METTL14: variants seen among roughly 807,000 people sequenced by gnomAD.
METTL14 encodes the protein N(6)-adenosine-methyltransferase non-catalytic subunit METTL14.
In METTL14, 32 loss-of-function variants were observed where a neutral mutation model predicts 62.4. That is an observed-to-expected ratio of 0.51 (90% CI 0.39 to 0.69). The LOEUF is 0.69. Among genes scored for constraint, METTL14 ranks in the 30% least tolerant of loss-of-function variants. The pLI is 0.00. For missense variants in METTL14, 340 were observed against 551.9 expected, an observed-to-expected ratio of 0.62 and a Z score of 3.85; for synonymous variants, 150 against 180.0, an observed-to-expected ratio of 0.83 and a Z score of 1.34.
chr4:118,705,906 T>C (rs1044182081), intron 10 of METTL14, 85 bp downstream of exon 10: 22 of 1,054,210 alleles, frequency 2.1e-5, no homozygotes, highest in Non-Finnish European at 3.0e-5. Flanking sequence ...TAAAATAAAG[T>C]TCTTATGCAT....
At position 118,714,291 on chromosome 4, in the gene METTL14, A is replaced by G. The variant is rs954359868; in HGVS notation, c.*3989A>G. 1 of 152,206 alleles carries G rather than the reference A, an allele frequency of 6.6e-6. No homozygotes were observed. The highest frequency in any genetic ancestry group is 1.5e-5 in the Non-Finnish European group (1 of 68,048). The allele number at this position is 152,206 out of a possible 1,614,324, so 9.4% of individuals were successfully genotyped here. A position where few individuals can be genotyped will look rare whatever the true frequency, so the allele number is the denominator to read the frequency against. Reference sequence around the variant, plus strand: ...AGTTCTCTCAACTCCTTTCTAAGAAAAGCAGAGCAGAGCAGCATAGAGTGC... The same window carrying G: ...AGTTCTCTCAACTCCTTTCTAAGAAGAGCAGAGCAGAGCAGCATAGAGTGC... On this transcript the variant is annotated 3_prime_UTR_variant, in exon 11 of 11. Coordinates refer to ENST00000388822, the MANE Select transcript of METTL14 (RefSeq NM_020961.4).
intron 5 of METTL14, 42 bp downstream of exon 5, chr4:118,692,110 A>G (rs978462446): frequency 2.7e-6 from 3 of 1,098,936 alleles, no homozygotes; most frequent in African/African-American, 3.2e-5. Flanking sequence ...CTGACTCTCA[A>G]TTACATGCAT....
In METTL14 at chr4:118,709,915, A is replaced by G. The variant is rs543620191; in HGVS notation, c.1067-83A>G. 3 of 1,301,424 alleles carry G rather than the reference A, an allele frequency of 2.3e-6. No individual in the cohort carries two copies. The South Asian group carries it at 4.3e-5, about 19-fold the overall frequency. 80.6% of individuals were successfully genotyped at this position (1,301,424 alleles called of 1,614,324 possible). ...ATGATGGGGACATCTTTAAGAATGC[A>G]TTGGGGATTTGAACTAGCTTCTAAA... On this transcript the variant is annotated intron_variant, in intron 10 of 10. Transcript: ENST00000388822.
intron 7 of METTL14, 84 bp downstream of exon 7, chr4:118,697,407 A>T: frequency 3.4e-6 from 4 of 1,189,262 alleles, no homozygotes; most frequent in Non-Finnish European, 4.6e-6. Flanking sequence ...GATAATAAAT[A>T]TCATCCCTAC....
intron 7 of METTL14, among the ~76,000 whole-genome samples, chr4:118,698,411 C>T (rs546973439): frequency 1.4e-5 from 2 of 147,446 alleles, no homozygotes; most frequent in South Asian, 4.3e-4. Flanking sequence ...CAAGATTGCG[C>T]CATTGCACTC....
intron 9 of METTL14, among the ~76,000 whole-genome samples, chr4:118,705,305 T>C (rs994303139): frequency 2.0e-5 from 3 of 152,054 alleles, no homozygotes; most frequent in Non-Finnish European, 2.9e-5. Flanking sequence ...CGAGACCCTG[T>C]CTTTACAAAA....
intron 8 of METTL14, 36 bp downstream of exon 8, chr4:118,700,678 T>C (rs778400494): frequency 6.9e-7 from 1 of 1,453,358 alleles, no homozygotes; most frequent in Non-Finnish European, 9.5e-7. Context: ...ATTTTTAAAT[T>C]AATAAGAAAA....
At chr4:118,706,910 C>T (rs191453493) in intron 10 of METTL14, among the ~76,000 whole-genome samples, 40 of 152,146 alleles carry the variant, frequency 2.6e-4, no homozygotes, top group Admixed American at 5.9e-4. Context: ...GTCTTTGGCC[C>T]ATTTTTTATT....
chr4:118,699,887 C>CAA (rs1162832747), intron 7 of METTL14, among the ~76,000 whole-genome samples: 1 of 152,044 alleles, frequency 6.6e-6, no homozygotes, highest in Non-Finnish European at 1.5e-5. Flanking sequence ...ATGTAATAAA[C>CAA]AAAATGTAAA....
chr4:118,711,465 T>A lies in METTL14; in HGVS notation c.*1163T>A, dbSNP rs1724920028. ...AACTTTTGAGATTTGAGAGTCTGTT[T>A]TCTATAAGTAGAATTACTGTTGTTA... is the stretch of plus-strand genomic sequence containing the variant. On this transcript the variant is annotated 3_prime_UTR_variant, in exon 11 of 11. Coordinates refer to ENST00000388822, the MANE Select transcript of METTL14 (RefSeq NM_020961.4). 2.0e-5 allele frequency: 3 copies of A among 152,346 alleles called. No homozygotes were observed. The South Asian group carries it at 6.2e-4, about 32-fold the overall frequency. The allele number at this position is 152,346 out of a possible 1,614,324, so 9.4% of individuals were successfully genotyped here.
chr4:118,706,907 G>A (rs1396159979), intron 10 of METTL14, among the ~76,000 whole-genome samples: 5 of 151,876 alleles, frequency 3.3e-5, no homozygotes, highest in African/African-American at 9.7e-5. Context: ...AAGGTCTTTG[G>A]CCCATTTTTT....
At chr4:118,701,173 G>GTTTTTTTTTTTTTTTTTTTTTTTT (rs370557403) in intron 8 of METTL14, among the ~76,000 whole-genome samples, 1 of 114,110 alleles carries the variant, frequency 8.8e-6, no homozygotes, top group African/African-American at 2.9e-5. Flanking sequence ...TTTTATTGGA[G>GTTTTTTTTTTTTTTTTTTTTTTTT]TTTTTTTTTG....
At chr4:118,705,855 C>T in intron 10 of METTL14, 34 bp downstream of exon 10, 1 of 1,517,808 alleles carries the variant, frequency 6.6e-7, no homozygotes, top group Non-Finnish European at 9.1e-7. Context: ...TTTTATGATT[C>T]TTTGGGTTAT....
Position 118,704,105 on chromosome 4 carries a change from T to G in METTL14, c.855+54T>G. 5 of 1,107,870 alleles carry G rather than the reference T, an allele frequency of 4.5e-6. No individual in the cohort carries two copies. In the East Asian group the frequency reaches 1.2e-4, roughly 27 times the overall value. 68.6% of individuals were successfully genotyped at this position (1,107,870 alleles called of 1,614,324 possible). ...AATTTTTGTGATTTTCTCTCAAGCTTTTCCAAATAACTGTATACTGTTTAA... is the reference window on the plus strand; with the variant it reads ...AATTTTTGTGATTTTCTCTCAAGCTGTTCCAAATAACTGTATACTGTTTAA... On this transcript the variant is annotated intron_variant, in intron 9 of 10. Coordinates refer to ENST00000388822, the MANE Select transcript of METTL14 (RefSeq NM_020961.4).
At chr4:118,696,222 T>G (rs1360799944) in intron 6 of METTL14, among the ~76,000 whole-genome samples, 2 of 151,756 alleles carry the variant, frequency 1.3e-5, no homozygotes, top group Non-Finnish European at 2.9e-5. Flanking sequence ...ACTCTAATAT[T>G]CATCGTATTT....
chr4:118,705,545 A>G, intron 9 of METTL14, 66 bp from the exon 10 acceptor site: 1 of 1,253,520 alleles, frequency 8.0e-7, no homozygotes, highest in South Asian at 1.2e-5. Context: ...AGGACATCAG[A>G]AATGTGAAAG....
At position 118,696,540 on chromosome 4, in the gene METTL14, TCAAA is replaced by T. The variant is rs762260105; in HGVS notation, c.504-620_504-617del. On this transcript the variant is annotated intron_variant, in intron 6 of 10. Coordinates refer to ENST00000388822, the MANE Select transcript of METTL14 (RefSeq NM_020961.4). The stretch of plus-strand genomic sequence containing the variant: ...CTGAGCAATATAGTGAGACCTTGTC[TCAAA>T]CAAACAAACAAACAAACAAACGAAA... 5.8e-4 allele frequency among the ~76,000 whole-genome samples: 88 copies of T among 152,136 alleles called. 1 individual carries two copies. Among genetic ancestry groups the T allele is most frequent in the Admixed American group, 3.1e-3 (48 of 15,272 alleles).
intron 10 of METTL14, among the ~76,000 whole-genome samples, chr4:118,709,446 A>G (rs1026240634): frequency 2.0e-5 from 3 of 151,990 alleles, no homozygotes; most frequent in African/African-American, 7.2e-5. Flanking sequence ...TGTGTCTGTT[A>G]CACATGTGTT....
At chr4:118,698,489 G>T (rs1440908167) in intron 7 of METTL14, among the ~76,000 whole-genome samples, 18 of 141,054 alleles carry the variant, frequency 1.3e-4, no homozygotes, top group Admixed American at 1.2e-3. Context: ...TTTGGAAAAA[G>T]GAGAGCAATT....
Sources: gnomAD v4.1 joint callset for allele counts (sites outside exome capture counted in the v4.1 genomes callset) on GRCh38, gnomAD v4.1.1 for gene constraint, MANE v1.5 for transcripts, NCBI Gene and HGNC (gene_info 2026-07-23, HGNC 2026-07-21) for gene names.